Variants in GRB10 observed in about 807,000 individuals in gnomAD.
GRB10 encodes the protein growth factor receptor bound protein 10, also known as growth factor receptor-bound protein 10.
GRB10 carries 20 observed loss-of-function variants against 80.9 expected under a neutral mutation model. The ratio of observed to expected loss-of-function variants is 0.25; its 90% CI spans 0.17 to 0.36. The LOEUF is 0.36. Among genes scored for constraint, GRB10 ranks in the 10% least tolerant of loss-of-function variants. The probability of loss-of-function intolerance (pLI) is 1.00; values close to 1 mark genes in which losing one functional copy is unlikely to be tolerated. For synonymous variants in GRB10, 291 were observed against 291.5 expected, an observed-to-expected ratio of 1.00 and a Z score of 0.02; for missense variants, 548 against 747.7, an observed-to-expected ratio of 0.73 and a Z score of 3.12.
intron 7 of GRB10, among the ~76,000 whole-genome samples, chr7:50,635,962 C>CTTTTT (rs56411780): frequency 5.6e-4 from 40 of 71,004 alleles, no homozygotes; most frequent in Middle Eastern, 0.018. Flanking sequence ...TTTTCCTTTC[C>CTTTTT]TTTTTTTTTT....
intron 4 of GRB10, among the ~76,000 whole-genome samples, chr7:50,718,930 C>T (rs73124705): frequency 0.022 from 3,306 of 152,138 alleles, 89 homozygotes; most frequent in East Asian, 0.045. Context: ...CTTGGAGTAT[C>T]CAACCTCTTG....
intron 4 of GRB10, among the ~76,000 whole-genome samples, chr7:50,722,189 C>T (rs888388777): frequency 6.6e-6 from 1 of 152,152 alleles, no homozygotes; most frequent in African/African-American, 2.4e-5. Flanking sequence ...AACCCTTAAC[C>T]TGCACCACGC....
chr7:50,716,971 TA>T (rs2066969445), intron 4 of GRB10, among the ~76,000 whole-genome samples: 1 of 152,096 alleles, frequency 6.6e-6, no homozygotes, highest in Non-Finnish European at 1.5e-5. Flanking sequence ...CCAGAGAAAA[TA>T]AAGGCTGCAG....
chr7:50,651,419 T>C (rs1009325909), intron 7 of GRB10, among the ~76,000 whole-genome samples: 1 of 152,218 alleles, frequency 6.6e-6, no homozygotes, highest in Non-Finnish European at 1.5e-5. Context: ...TATCTTTATG[T>C]GGCATTCTCG....
intron 9 of GRB10, among the ~76,000 whole-genome samples, chr7:50,618,615 C>A (rs546997794): frequency 2.4e-4 from 36 of 152,346 alleles, no homozygotes; most frequent in African/African-American, 8.7e-4. Flanking sequence ...CCAGTTGATG[C>A]AGCTCTGACC....
At chr7:50,638,877 G>GTAA (rs1384942915) in intron 7 of GRB10, among the ~76,000 whole-genome samples, 10 of 133,402 alleles carry the variant, frequency 7.5e-5, no homozygotes, top group African/African-American at 2.5e-4. Flanking sequence ...TTAAAGAGTG[G>GTAA]TAATATACAC....
intron 7 of GRB10, chr7:50,645,782 C>T (rs751037357): frequency 8.9e-6 from 2 of 225,704 alleles, no homozygotes; most frequent in Non-Finnish European, 1.5e-5. Context: ...ATTGCCTGGA[C>T]ACAGTCCCCT....
At chr7:50,768,060 C>T (rs2076546379) in intron 2 of GRB10, among the ~76,000 whole-genome samples, 1 of 152,136 alleles carries the variant, frequency 6.6e-6, no homozygotes, top group African/African-American at 2.4e-5. Flanking sequence ...TACCCAGCAG[C>T]CCTATGGTGC....
At chr7:50,611,241 T>C (rs566558613) in intron 13 of GRB10, among the ~76,000 whole-genome samples, 2 of 152,340 alleles carry the variant, frequency 1.3e-5, no homozygotes, top group East Asian at 3.9e-4. Context: ...CTTCTCTCTA[T>C]ATACTGTTCT....
chr7:50,605,382 C>T lies in GRB10; in HGVS notation c.1297G>A (p.Val433Met), dbSNP rs1216596390. Residue 433 changes from valine (V) to methionine (M), a missense_variant, in exon 15 of 19, where the codon GTG becomes ATG. Physicochemically the swap from Val to Met is conservative, Grantham distance 21. This residue lies in a region of GRB10 where 270 missense variants were observed against 433.6 expected (regional missense o/e 0.62). Coordinates refer to ENST00000401949, the MANE Select transcript of GRB10 (RefSeq NM_001350814.2). ...GTTTGCCCAGAAAAATCCATTGCCA[C>T]GAGGGAGTTCTCGGAGACACTGCGC... ...PVRSVSENSL[V>M]AMDFSGQTGR... 6.2e-7 allele frequency: 1 copy of T among 1,614,050 alleles called. No homozygotes were observed. Among genetic ancestry groups the T allele is most frequent in the African/African-American group, 1.3e-5 (1 of 74,916 alleles).
intron 5 of GRB10, among the ~76,000 whole-genome samples, chr7:50,680,285 C>T (rs1321936245): frequency 6.6e-6 from 1 of 152,196 alleles, no homozygotes; most frequent in Non-Finnish European, 1.5e-5. Context: ...ACAGTCATAA[C>T]TCTTGGCTTT....
chr7:50,671,751 G>A (rs1439028198), intron 6 of GRB10, among the ~76,000 whole-genome samples: 1 of 152,244 alleles, frequency 6.6e-6, no homozygotes, highest in African/African-American at 2.4e-5. Flanking sequence ...ATAATCTGAC[G>A]TTTTAGTGTC....
At chr7:50,617,647 G>A (rs2050890462) in intron 10 of GRB10, among the ~76,000 whole-genome samples, 2 of 152,248 alleles carry the variant, frequency 1.3e-5, no homozygotes, top group Non-Finnish European at 2.9e-5. Flanking sequence ...GTGGTAACCC[G>A]ATCATCTTTT....
At chr7:50,755,315 G>A (rs1049210784) in intron 3 of GRB10, among the ~76,000 whole-genome samples, 38 of 152,236 alleles carry the variant, frequency 2.5e-4, no homozygotes, top group African/African-American at 8.9e-4. Flanking sequence ...TCCCAGAAAG[G>A]GCCACCTGAG....
intron 3 of GRB10, among the ~76,000 whole-genome samples, chr7:50,732,862 T>C (rs570145857): frequency 1.3e-5 from 2 of 152,296 alleles, no homozygotes; most frequent in East Asian, 3.9e-4. Flanking sequence ...GAATTCTCAG[T>C]GGACATCCAA....
intron 5 of GRB10, among the ~76,000 whole-genome samples, chr7:50,686,005 A>T (rs1264689766): frequency 6.6e-6 from 1 of 152,158 alleles, no homozygotes; most frequent in Non-Finnish European, 1.5e-5. Flanking sequence ...CTGGGGTGGG[A>T]AAACCAGTTC....
chr7:50,670,446 G>A (rs757726274), intron 6 of GRB10, among the ~76,000 whole-genome samples: 7 of 149,310 alleles, frequency 4.7e-5, no homozygotes, highest in Non-Finnish European at 7.4e-5. Context: ...TTACTAAAAC[G>A]AAAACTTTAA....
chr7:50,616,809 G>A (rs934043542), intron 10 of GRB10, among the ~76,000 whole-genome samples: 1 of 152,114 alleles, frequency 6.6e-6, no homozygotes, highest in African/African-American at 2.4e-5. Context: ...ATGTCCCCCT[G>A]TTCCAGCTAA....
intron 5 of GRB10, among the ~76,000 whole-genome samples, chr7:50,675,835 G>A (rs891935982): frequency 2.0e-5 from 3 of 152,178 alleles, no homozygotes; most frequent in East Asian, 3.9e-4. Flanking sequence ...GGTGGGACGG[G>A]GAAAGGGAGC....
Sources: allele counts gnomAD v4.1 joint callset (sites outside exome capture counted in the v4.1 genomes callset), GRCh38; gene constraint gnomAD v4.1.1; regional missense constraint gnomAD v4.1.1; transcripts MANE v1.5; gene names NCBI Gene and HGNC (gene_info 2026-07-23, HGNC 2026-07-21).